Variants in SLC35F4 observed in about 807,000 individuals in gnomAD.
SLC35F4 encodes the protein solute carrier family 35 member F4.
In SLC35F4, 24 loss-of-function variants were observed where a neutral mutation model predicts 44.2. The observed-to-expected ratio is 0.54, with a 90% CI of 0.39 to 0.76. The LOEUF (loss-of-function observed/expected upper bound fraction) is 0.76, where lower values mean the gene tolerates loss of function less well. SLC35F4 is among the 30% of genes least tolerant of loss of function. The pLI, the probability that SLC35F4 is intolerant of heterozygous loss-of-function variation, is 0.00. For missense variants in SLC35F4, 562 were observed against 586.1 expected, an observed-to-expected ratio of 0.96 and a Z score of 0.42; for synonymous variants, 238 against 223.6, an observed-to-expected ratio of 1.06 and a Z score of -0.57.
intron 1 of SLC35F4, among the ~76,000 whole-genome samples, chr14:57,810,349 T>TA (rs1881821410): frequency 6.6e-6 from 1 of 152,266 alleles, no homozygotes; most frequent in African/African-American, 2.4e-5. Flanking sequence ...AAGATAGTAC[T>TA]GTCCTTTCTG....
intron 1 of SLC35F4, among the ~76,000 whole-genome samples, chr14:57,883,805 G>A (rs1454631485): frequency 2.0e-5 from 3 of 152,152 alleles, no homozygotes; most frequent in Non-Finnish European, 2.9e-5. Context: ...TTCTTTCCTA[G>A]ATCCTATTGA....
At chr14:57,666,202 T>C (rs568054173) in intron 1 of SLC35F4, among the ~76,000 whole-genome samples, 2 of 152,316 alleles carry the variant, frequency 1.3e-5, no homozygotes, top group South Asian at 2.1e-4. Flanking sequence ...GGGTAAACAA[T>C]TTCCTCAGCA....
chr14:57,739,993 G>A (rs566542130), intron 1 of SLC35F4, among the ~76,000 whole-genome samples: 7 of 152,200 alleles, frequency 4.6e-5, no homozygotes, highest in East Asian at 3.9e-4. Context: ...CTGAGTAGCT[G>A]GGTTTACAGG....
intron 1 of SLC35F4, among the ~76,000 whole-genome samples, chr14:57,723,132 G>A (rs1242643447): frequency 6.6e-6 from 1 of 152,118 alleles, no homozygotes; most frequent in Non-Finnish European, 1.5e-5. Context: ...GTTAAAGTAG[G>A]GGCTTATGGA....
chr14:57,865,476 G>A (rs1471476453), intron 1 of SLC35F4, among the ~76,000 whole-genome samples: 2 of 152,172 alleles, frequency 1.3e-5, no homozygotes, highest in African/African-American at 4.8e-5. Context: ...CTCCCCCCAA[G>A]GCTACGACTG....
intron 1 of SLC35F4, among the ~76,000 whole-genome samples, chr14:57,667,511 T>A (rs2074354819): frequency 1.8e-5 from 2 of 112,890 alleles, no homozygotes; most frequent in Non-Finnish European, 1.7e-5. Context: ...CAGGCCCCAG[T>A]GTGTGATGTT....
At chr14:57,915,014 C>T (rs1009905148) in intron 1 of SLC35F4, among the ~76,000 whole-genome samples, 1 of 152,184 alleles carries the variant, frequency 6.6e-6, no homozygotes, top group Non-Finnish European at 1.5e-5. Flanking sequence ...TGGAGGAAAC[C>T]ATGCCCCCAC....
At chr14:57,784,775 A>G (rs1297375128) in intron 1 of SLC35F4, among the ~76,000 whole-genome samples, 1 of 152,060 alleles carries the variant, frequency 6.6e-6, no homozygotes, top group East Asian at 1.9e-4. Flanking sequence ...AGTATACCTA[A>G]CTCTCTTGCC....
intron 1 of SLC35F4, among the ~76,000 whole-genome samples, chr14:57,751,858 A>G (rs984678932): frequency 1.3e-5 from 2 of 152,190 alleles, no homozygotes; most frequent in African/African-American, 2.4e-5. Flanking sequence ...TAATGTCAAT[A>G]TGGAATACTG....
intron 1 of SLC35F4, among the ~76,000 whole-genome samples, chr14:57,784,015 G>T (rs571960381): frequency 1.3e-3 from 197 of 152,316 alleles, no homozygotes; most frequent in African/African-American, 4.0e-3. Flanking sequence ...AAAACTGTCT[G>T]ATGTTTTGTA....
intron 1 of SLC35F4, among the ~76,000 whole-genome samples, chr14:57,782,407 A>C (rs1473836094): frequency 6.6e-6 from 1 of 152,210 alleles, no homozygotes; most frequent in East Asian, 1.9e-4. Flanking sequence ...GCATGTCATG[A>C]ATGTATAAAA....
At chr14:57,700,458 A>C (rs1486607837) in intron 1 of SLC35F4, among the ~76,000 whole-genome samples, 1 of 152,220 alleles carries the variant, frequency 6.6e-6, no homozygotes, top group East Asian at 1.9e-4. Context: ...TAAACACTGT[A>C]CATTTAAGCT....
At chr14:57,752,873 C>T (rs542516485) in intron 1 of SLC35F4, among the ~76,000 whole-genome samples, 1 of 152,196 alleles carries the variant, frequency 6.6e-6, no homozygotes, top group African/African-American at 2.4e-5. Flanking sequence ...ACAAATGAAC[C>T]TGCTGTTGCT....
chr14:57,818,449 C>A (rs1882836146), intron 1 of SLC35F4, among the ~76,000 whole-genome samples: 1 of 152,036 alleles, frequency 6.6e-6, no homozygotes, highest in South Asian at 2.1e-4. Context: ...GACTACTGGG[C>A]AAAGAAAGGA....
chr14:57,773,329 C>T (rs1340112592), intron 1 of SLC35F4, among the ~76,000 whole-genome samples: 1 of 152,158 alleles, frequency 6.6e-6, no homozygotes. Context: ...ACATAACTCA[C>T]CAACTCTACA....
chr14:57,889,458 A>G (rs151306958), intron 1 of SLC35F4, among the ~76,000 whole-genome samples: 13 of 152,362 alleles, frequency 8.5e-5, no homozygotes, highest in Non-Finnish European at 1.5e-4. Context: ...AGCCATCACT[A>G]CTGAGTAATT....
intron 1 of SLC35F4, among the ~76,000 whole-genome samples, chr14:57,937,594 A>AGAAAG (rs1260062706): frequency 0.04 from 1,311 of 32,460 alleles, 21 homozygotes; most frequent in African/African-American, 0.12. Flanking sequence ...AAGAAAGAAA[A>AGAAAG]GAAAAGAAAA....
chr14:57,679,585 A>T (rs1243558750), intron 1 of SLC35F4, among the ~76,000 whole-genome samples: 1 of 152,058 alleles, frequency 6.6e-6, no homozygotes, highest in Non-Finnish European at 1.5e-5. Flanking sequence ...TGAATCCAGG[A>T]GCTGGTTTTT....
At chr14:57,630,623 A>C in intron 1 of SLC35F4, 1 of 793,920 alleles carries the variant, frequency 1.3e-6, no homozygotes. Context: ...AGTCAAAATC[A>C]CAGTCTATGT....
Sources: gnomAD v4.1 joint callset for allele counts (sites outside exome capture counted in the v4.1 genomes callset) on GRCh38, gnomAD v4.1.1 for gene constraint, MANE v1.5 for transcripts, NCBI Gene and HGNC (gene_info 2026-07-23, HGNC 2026-07-21) for gene names.